The following MAGI3 variants were observed in gnomAD, a reference collection of about 807,000 sequenced individuals.
MAGI3 encodes membrane-associated guanylate kinase, WW and PDZ domain-containing protein 3.
Under a neutral mutation model 121.8 loss-of-function variants are expected in MAGI3, and 43 were observed. The observed-to-expected ratio is 0.35, with a 90% CI of 0.28 to 0.46. The LOEUF (loss-of-function observed/expected upper bound fraction) is 0.46, where lower values mean the gene tolerates loss of function less well. Among genes scored for constraint, MAGI3 ranks in the 20% least tolerant of loss-of-function variants. The pLI is 1.00. For synonymous variants in MAGI3, 553 were observed against 639.3 expected, an observed-to-expected ratio of 0.86 and a Z score of 2.04; for missense variants, 1,547 against 1,797.3, an observed-to-expected ratio of 0.86 and a Z score of 2.52.
In MAGI3 at chr1:113,636,794, T is replaced by C. The variant is rs1198008956; in HGVS notation, c.1361-5117T>C. ...TTCCTGGATATCCTTGTTGACTTTC[T>C]GTCTCGTTGATCTGTCTAATGTTGA... is the stretch of plus-strand genomic sequence containing the variant. On this transcript the variant is annotated intron_variant, in intron 9 of 20. Coordinates refer to ENST00000307546, the MANE Select transcript of MAGI3 (RefSeq NM_001142782.2). Among the ~76,000 whole-genome samples, 21 of 152,040 alleles carry C rather than the reference T, an allele frequency of 1.4e-4. No individual in the cohort carries two copies. The East Asian group carries it at 3.9e-3, about 28-fold the overall frequency.
chr1:113,425,273 ATTTTTTTTTT>A (rs949045641), intron 1 of MAGI3, among the ~76,000 whole-genome samples: 206 of 86,904 alleles, frequency 2.4e-3, no homozygotes, highest in African/African-American at 8.4e-3. Context: ...TACAAATTCA[ATTTTTTTTTT>A]TTTTTTTTTT....
Position 113,611,903 on chromosome 1 carries a change from T to G in MAGI3, c.1019-2698T>G, listed in dbSNP as rs561763046. On this transcript the variant is annotated intron_variant, in intron 6 of 20. Transcript: ENST00000307546. Reference sequence around the variant, plus strand: ...CTTAATACCTCAATGCCCTTTAATCTATCTGGAATCATCTCCCTCTCCCTA... The same window carrying G: ...CTTAATACCTCAATGCCCTTTAATCGATCTGGAATCATCTCCCTCTCCCTA... Among the ~76,000 whole-genome samples the G allele has an allele frequency of 2.0e-5, 3 of 152,178 alleles. No homozygotes were observed. The South Asian group carries it at 6.2e-4, about 32-fold the overall frequency.
intron 19 of MAGI3, among the ~76,000 whole-genome samples, chr1:113,678,678 A>G (rs1277371022): frequency 9.2e-5 from 14 of 152,348 alleles, no homozygotes; most frequent in African/African-American, 3.4e-4. Flanking sequence ...TGCACTTGGT[A>G]TATAATCATG....
At chr1:113,661,677 C>T (rs1265970950) in intron 16 of MAGI3, among the ~76,000 whole-genome samples, 1 of 152,172 alleles carries the variant, frequency 6.6e-6, no homozygotes, top group African/African-American at 2.4e-5. Flanking sequence ...GGCCCAAACA[C>T]TTGTGGACAG....
intron 1 of MAGI3, among the ~76,000 whole-genome samples, chr1:113,417,730 A>G (rs1652528642): frequency 1.3e-5 from 2 of 152,050 alleles, no homozygotes; most frequent in Admixed American, 1.3e-4. Flanking sequence ...TCACACTATT[A>G]TAACTGATAG....
At chr1:113,472,464 G>A (rs940923213) in intron 1 of MAGI3, among the ~76,000 whole-genome samples, 1 of 152,088 alleles carries the variant, frequency 6.6e-6, no homozygotes, top group Admixed American at 6.6e-5. Flanking sequence ...CTTTTAGTTG[G>A]AGAATTTAAT....
chr1:113,459,725 A>G (rs1654938742), intron 1 of MAGI3, among the ~76,000 whole-genome samples: 1 of 152,174 alleles, frequency 6.6e-6, no homozygotes, highest in African/African-American at 2.4e-5. Context: ...TGTTTACTGA[A>G]ACCCTCAAAA....
chr1:113,449,027 G>C (rs572275203), intron 1 of MAGI3, among the ~76,000 whole-genome samples: 13 of 151,060 alleles, frequency 8.6e-5, no homozygotes, highest in Non-Finnish European at 1.5e-4. Context: ...CTGAGGCAGG[G>C]AAATTGCTTG....
chr1:113,592,741 G>A (rs559552636), intron 5 of MAGI3, among the ~76,000 whole-genome samples: 9 of 152,222 alleles, frequency 5.9e-5, no homozygotes, highest in African/African-American at 1.9e-4. Context: ...GGCCAGGCAC[G>A]GTGGCTCACG....
At chr1:113,591,905 A>C (rs1648713652) in intron 5 of MAGI3, among the ~76,000 whole-genome samples, 1 of 152,166 alleles carries the variant, frequency 6.6e-6, no homozygotes, top group South Asian at 2.1e-4. Context: ...AATTTATAAA[A>C]AGAAATATTT....
Position 113,625,682 on chromosome 1 carries a change from T to A in MAGI3, c.1360+2688T>A, listed in dbSNP as rs191455038. Among the ~76,000 whole-genome samples, 3 of 152,304 alleles carry A rather than the reference T, an allele frequency of 2.0e-5. No individual in the cohort carries two copies. The East Asian group carries it at 5.8e-4, about 29-fold the overall frequency. On this transcript the variant is annotated intron_variant, in intron 9 of 20. Coordinates refer to ENST00000307546, the MANE Select transcript of MAGI3 (RefSeq NM_001142782.2). Reference sequence around the variant, plus strand: ...TCTCCCTTTCCAATTTGTATGCCTGTTATTTCTTTCTCCTGCTGATTGCTT... The same window carrying A: ...TCTCCCTTTCCAATTTGTATGCCTGATATTTCTTTCTCCTGCTGATTGCTT...
At chr1:113,633,078 A>G (rs1475071024) in intron 9 of MAGI3, among the ~76,000 whole-genome samples, 1 of 101,708 alleles carries the variant, frequency 9.8e-6, no homozygotes. Context: ...AGCAGTCCCC[A>G]GAGTGTGATG....
intron 2 of MAGI3, among the ~76,000 whole-genome samples, chr1:113,573,935 A>G (rs1647464458): frequency 6.6e-6 from 1 of 152,120 alleles, no homozygotes; most frequent in Non-Finnish European, 1.5e-5. Flanking sequence ...TCCCTTTACC[A>G]TTATGTAATG....
chr1:113,462,645 A>C (rs924287111), intron 1 of MAGI3, among the ~76,000 whole-genome samples: 2 of 151,984 alleles, frequency 1.3e-5, no homozygotes, highest in African/African-American at 4.8e-5. Context: ...TGTACAACAG[A>C]CCCCCTTGAC....
At chr1:113,631,476 G>A (rs1460957708) in intron 9 of MAGI3, among the ~76,000 whole-genome samples, 1 of 152,058 alleles carries the variant, frequency 6.6e-6, no homozygotes, top group Non-Finnish European at 1.5e-5. Flanking sequence ...TTACAAACAG[G>A]TGAAAACTGT....
chr1:113,550,768 A>T (rs1170318763), intron 2 of MAGI3, among the ~76,000 whole-genome samples: 10 of 150,972 alleles, frequency 6.6e-5, no homozygotes. Context: ...AAAAAAAAAA[A>T]AGAAAAAAAC....
chr1:113,451,084 C>T (rs1301708415), intron 1 of MAGI3, among the ~76,000 whole-genome samples: 2 of 151,850 alleles, frequency 1.3e-5, no homozygotes, highest in African/African-American at 4.8e-5. Flanking sequence ...GTAGTGGTAC[C>T]AGGAATGAAA....
chr1:113,616,750 A>G (rs1386750208), intron 7 of MAGI3, among the ~76,000 whole-genome samples: 5 of 152,186 alleles, frequency 3.3e-5, no homozygotes, highest in African/African-American at 4.8e-5. Context: ...ACATATAATT[A>G]TACACATTTT....
intron 1 of MAGI3, among the ~76,000 whole-genome samples, chr1:113,453,717 G>A (rs1476401994): frequency 1.3e-5 from 2 of 152,170 alleles, no homozygotes; most frequent in Non-Finnish European, 1.5e-5. Flanking sequence ...TGTTTGATTT[G>A]GCTGATGCCT....
Sources: allele counts gnomAD v4.1 joint callset (sites outside exome capture counted in the v4.1 genomes callset), GRCh38; gene constraint gnomAD v4.1.1; transcripts MANE v1.5; gene names NCBI Gene and HGNC (gene_info 2026-07-23, HGNC 2026-07-21).